The following SHANK2 variants were observed in gnomAD, a reference collection of about 807,000 sequenced individuals.
The protein encoded by SHANK2 is SH3 and multiple ankyrin repeat domains protein 2.
In SHANK2, 43 loss-of-function variants were observed where a neutral mutation model predicts 133.7. The observed-to-expected ratio is 0.32, with a 90% CI of 0.25 to 0.41. SHANK2 has a LOEUF of 0.41. Ranked by LOEUF, SHANK2 falls within the 10% of genes least tolerant of loss-of-function variation. The probability of loss-of-function intolerance (pLI) is 1.00; values close to 1 mark genes in which losing one functional copy is unlikely to be tolerated. For synonymous variants in SHANK2, 1,017 were observed against 952.8 expected, an observed-to-expected ratio of 1.07 and a Z score of -1.24; for missense variants, 1,994 against 2,235.8, an observed-to-expected ratio of 0.89 and a Z score of 2.18.
At chr11:71,163,955 TAC>T (rs1427696294) in intron 2 of SHANK2, among the ~76,000 whole-genome samples, 1 of 152,244 alleles carries the variant, frequency 6.6e-6, no homozygotes, top group Non-Finnish European at 1.5e-5. Flanking sequence ...CAGCTGATAG[TAC>T]AGAGAGTTCC....
intron 17 of SHANK2, among the ~76,000 whole-genome samples, chr11:70,528,942 C>T (rs560146672): frequency 8.5e-5 from 13 of 152,248 alleles, no homozygotes; most frequent in East Asian, 1.9e-4. Context: ...GCCCCCGTGA[C>T]GATTTCCCCC....
chr11:70,948,455 C>T (rs145462296), intron 10 of SHANK2: 78 of 444,878 alleles, frequency 1.8e-4, no homozygotes, highest in African/African-American at 1.3e-3. Context: ...ATGCACCGAA[C>T]ATCAGCCACA....
chr11:71,105,754 G>GA (rs1951793783), intron 6 of SHANK2, among the ~76,000 whole-genome samples: 1 of 152,118 alleles, frequency 6.6e-6, no homozygotes, highest in Admixed American at 6.6e-5. Context: ...CACCAAGAGT[G>GA]AACTCTCATG....
chr11:71,205,787 G>A (rs1240500062), intron 2 of SHANK2, among the ~76,000 whole-genome samples: 1 of 152,188 alleles, frequency 6.6e-6, no homozygotes, highest in African/African-American at 2.4e-5. Flanking sequence ...TGGCAGGGGG[G>A]TGGCAGAGTC....
intron 8 of SHANK2, among the ~76,000 whole-genome samples, chr11:71,084,193 G>A (rs1194805494): frequency 2.0e-5 from 3 of 152,088 alleles, no homozygotes; most frequent in African/African-American, 7.2e-5. Flanking sequence ...GGATGGTCTC[G>A]ATCTCCTGAC....
At chr11:71,135,536 G>A (rs139367029) in intron 3 of SHANK2, among the ~76,000 whole-genome samples, 4,151 of 148,296 alleles carry the variant, frequency 0.028, 85 homozygotes, top group Non-Finnish European at 0.042. Flanking sequence ...ACCCAGGCTG[G>A]AGTGCAATGG....
chr11:70,761,149 A>G (rs1456066668), intron 14 of SHANK2, among the ~76,000 whole-genome samples: 2 of 152,108 alleles, frequency 1.3e-5, no homozygotes, highest in African/African-American at 4.8e-5. Context: ...CACAAATTCA[A>G]ATGTTGAAAC....
intron 10 of SHANK2, among the ~76,000 whole-genome samples, chr11:70,908,434 G>A (rs1950140784): frequency 6.6e-6 from 1 of 152,194 alleles, no homozygotes. Context: ...AGCTGCCAAG[G>A]AGGGAAACAG....
chr11:71,178,496 T>G (rs1953487301), intron 2 of SHANK2, among the ~76,000 whole-genome samples: 1 of 152,186 alleles, frequency 6.6e-6, no homozygotes, highest in African/African-American at 2.4e-5. Context: ...AAGTTTTGGG[T>G]ATAGACAGAG....
At chr11:71,112,698 G>A (rs575557875) in intron 5 of SHANK2, among the ~76,000 whole-genome samples, 91 of 152,098 alleles carry the variant, frequency 6.0e-4, no homozygotes, top group Non-Finnish European at 1.2e-3. Context: ...AAAGTGCTCC[G>A]CCCACACACC....
In SHANK2 at chr11:70,527,285, C is replaced by T. The variant is rs143192634; in HGVS notation, c.2062-24354G>A. On this transcript the variant is annotated intron_variant, in intron 17 of 25. Transcript: ENST00000601538. The stretch of plus-strand genomic sequence containing the variant: ...AAGCCTCCTGGGGAGGGTGTGGTGC[C>T]GGCCTGGCTGTGGACTTGTGCTGAC... Among the ~76,000 whole-genome samples the T allele has an allele frequency of 1.6e-3, 248 of 152,292 alleles. 1 individual carries two copies. Among genetic ancestry groups the T allele is most frequent in the African/African-American group, 5.6e-3 (231 of 41,560 alleles).
chr11:70,910,899 C>CGTGT (rs374516514), intron 10 of SHANK2: 9 of 428,860 alleles, frequency 2.1e-5, no homozygotes, highest in South Asian at 9.9e-5. Flanking sequence ...CTTGGTGGTG[C>CGTGT]GTGTGTGTGT....
At chr11:70,942,960 C>T in intron 10 of SHANK2, 1 of 448,968 alleles carries the variant, frequency 2.2e-6, no homozygotes, top group Non-Finnish European at 4.5e-6. Context: ...CCTCTCAAAG[C>T]ACTTTAAAGT....
At chr11:70,876,294 G>C (rs1286460708) in intron 11 of SHANK2, among the ~76,000 whole-genome samples, 3 of 142,316 alleles carry the variant, frequency 2.1e-5, no homozygotes, top group Non-Finnish European at 3.1e-5. Flanking sequence ...GGGTGCGGTG[G>C]CTCACGCCTG....
rs1416695566 is a variant in SHANK2 at position 71,086,449 on chromosome 11, A to G, written c.912+5973T>C. 4.4e-3 allele frequency among the ~76,000 whole-genome samples: 589 copies of G among 134,256 alleles called. 6 individuals are homozygous for G. The highest frequency in any genetic ancestry group is 0.016 in the African/African-American group (562 of 35,804). The allele number at this position is 134,256 out of a possible 152,430, so 88.1% of individuals were successfully genotyped here. ...ATTATATATTTATAATTTATATATT[A>G]TATTATATATAATTATGTAATATAT... On this transcript the variant is annotated intron_variant, in intron 8 of 25. Coordinates refer to ENST00000601538, the MANE Select transcript of SHANK2 (RefSeq NM_012309.5).
intron 10 of SHANK2, among the ~76,000 whole-genome samples, chr11:70,902,622 C>G (rs1262296122): frequency 6.6e-6 from 1 of 152,190 alleles, no homozygotes; most frequent in South Asian, 2.1e-4. Flanking sequence ...CAGGCGGCAT[C>G]GATGGCTGAA....
At chr11:70,627,238 A>T (rs1258739389) in intron 17 of SHANK2, among the ~76,000 whole-genome samples, 2 of 152,200 alleles carry the variant, frequency 1.3e-5, no homozygotes, top group African/African-American at 2.4e-5. Context: ...AGGTGCGGCC[A>T]AGTGAGCCGG....
intron 8 of SHANK2, among the ~76,000 whole-genome samples, chr11:71,089,484 C>T (rs1024590225): frequency 6.6e-6 from 1 of 151,778 alleles, no homozygotes; most frequent in Non-Finnish European, 1.5e-5. Context: ...GTCTTTCTAT[C>T]TCATGTCTGG....
chr11:70,516,422 A>G (rs1356142050), intron 17 of SHANK2, among the ~76,000 whole-genome samples: 1 of 152,252 alleles, frequency 6.6e-6, no homozygotes, highest in African/African-American at 2.4e-5. Context: ...ACATGCAAAA[A>G]TGAATGTAGA....
Sources: gnomAD v4.1 joint callset for allele counts (sites outside exome capture counted in the v4.1 genomes callset) on GRCh38, gnomAD v4.1.1 for gene constraint, MANE v1.5 for transcripts, NCBI Gene and HGNC (gene_info 2026-07-23, HGNC 2026-07-21) for gene names.